ALKBH2: variants seen among roughly 807,000 people sequenced by gnomAD.
The protein encoded by ALKBH2 is alkB homolog 2, alpha-ketoglutarate dependent dioxygenase.
A neutral mutation model predicts 19.7 loss-of-function variants in ALKBH2; 19 were observed. That is an observed-to-expected ratio of 0.97 (90% CI 0.67 to 1.42). The LOEUF (loss-of-function observed/expected upper bound fraction) is 1.42. Among genes scored for constraint, ALKBH2 ranks in the 40% most tolerant of loss-of-function variants. ALKBH2 has a pLI of 0.00. For missense variants in ALKBH2, 310 were observed against 328.5 expected (o/e 0.94, Z 0.43); for synonymous variants, 135 against 131.2 (o/e 1.03, Z -0.20).
chr12:109,092,473 GCACACACA>G (rs61358885), intron 2 of ALKBH2, 26 bp downstream of exon 2: 20 of 1,363,196 alleles, frequency 1.5e-5, no homozygotes, highest in South Asian at 4.6e-5. Context: ...AGCCCTCAAT[GCACACACA>G]CACACACACA....
In ALKBH2 at chr12:109,092,954, AG is replaced by A; in HGVS notation, c.-151-18del. The A allele has an allele frequency of 4.9e-6, 7 of 1,421,828 alleles. No individual in the cohort carries two copies. The highest frequency in any genetic ancestry group is 6.4e-6 in the Non-Finnish European group (7 of 1,093,708). 88.1% of individuals were successfully genotyped at this position (1,421,828 alleles called of 1,614,324 possible). ...AACCATGTCCTAGAAAGGAAACAGA[AG>A]ATGTTAAAGCCGGAAGGGACCCTAG... is the stretch of plus-strand genomic sequence containing the variant. On this transcript the variant is annotated intron_variant, in intron 1 of 3. Coordinates refer to ENST00000429722, the MANE Select transcript of ALKBH2 (RefSeq NM_001145374.2).
intron 2 of ALKBH2, 35 bp downstream of exon 2, chr12:109,092,472 T>TACACAC: frequency 1.2e-6 from 1 of 821,282 alleles, no homozygotes; most frequent in East Asian, 3.6e-5. Flanking sequence ...AAGCCCTCAA[T>TACACAC]GCACACACAC....
rs201306125 is a variant in ALKBH2 at position 109,092,793 on chromosome 12, C to T, written c.-7G>A. 1 of 1,605,428 alleles carries T rather than the reference C, an allele frequency of 6.2e-7. No homozygotes were observed. Among genetic ancestry groups the T allele is most frequent in the East Asian group, 2.2e-5 (1 of 44,828 alleles). On this transcript the variant is annotated 5_prime_UTR_variant, in exon 2 of 4. Transcript: ENST00000429722. ...TCACCAGGAATCTGTCCATCCTGTC[C>T]CCACAGGAAAGAAGGGACGTCAGTG...
At chr12:109,091,304 T>A (rs1325767178) in intron 2 of ALKBH2, among the ~76,000 whole-genome samples, 4 of 152,198 alleles carry the variant, frequency 2.6e-5, no homozygotes, top group Admixed American at 1.3e-4. Flanking sequence ...GAGAATCACT[T>A]GAGCCCAGGC....
intron 2 of ALKBH2, among the ~76,000 whole-genome samples, chr12:109,091,931 C>T (rs2042066542): frequency 6.6e-6 from 1 of 152,146 alleles, no homozygotes. Context: ...ACATGTGCTC[C>T]CCAGACCAGC....
chr12:109,088,660 T>C lies in ALKBH2; in HGVS notation c.480-148A>G. 4.4e-6 allele frequency: 3 copies of C among 685,516 alleles called. No homozygotes were observed. The highest frequency in any genetic ancestry group is 2.7e-5 in the East Asian group (1 of 36,592). The allele number at this position is 685,516 out of a possible 1,614,324, so 42.5% of individuals were successfully genotyped here. On this transcript the variant is annotated intron_variant, in intron 3 of 3. Transcript: ENST00000429722. The surrounding 1 kb of genome is among the most constrained non-coding windows in gnomAD (Gnocchi z 4.2). Reference sequence around the variant, plus strand: ...TTCTGCGAGGGCTTGAGGTCCACAGTGGGCTCTAAGATAAGCCAACGCTGA... The same window carrying C: ...TTCTGCGAGGGCTTGAGGTCCACAGCGGGCTCTAAGATAAGCCAACGCTGA...
In ALKBH2 at chr12:109,090,056, G is replaced by A. The variant is rs760853385; in HGVS notation, c.432C>T (p.His144=). 3.5e-5 allele frequency: 57 copies of A among 1,614,112 alleles called. No homozygotes were observed. The highest frequency in any genetic ancestry group is 8.3e-5 in the Admixed American group (5 of 60,010). ...AGGTCTGTCCAGTCACCCCAGAGAC[G>A]TGATCCCGGATGCGCTCTAGAACTG... ...WIPVLERIRD[H]VSGVTGQTFN... Residue 144 remains histidine (H), a synonymous_variant, in exon 3 of 4, where the codon CAC becomes CAT. Coordinates refer to ENST00000429722, the MANE Select transcript of ALKBH2 (RefSeq NM_001145374.2).
intron 2 of ALKBH2, chr12:109,092,240 G>T: frequency 2.6e-6 from 1 of 389,308 alleles, no homozygotes; most frequent in Non-Finnish European, 4.3e-6. Context: ...AACTTTCCCA[G>T]AAGATACTCA....
At position 109,092,706 on chromosome 12, in the gene ALKBH2, T is replaced by C; in HGVS notation, c.81A>G (p.Pro27=). The part of the protein sequence containing the change: ...QEEQEPTGEE[P]AVLGGDKEST... ...TTTCTTTGTCTCCTCCCAACACAGCTGGCTCTTCTCCAGTTGGCTCTTGCT... is the reference window on the plus strand; with the variant it reads ...TTTCTTTGTCTCCTCCCAACACAGCCGGCTCTTCTCCAGTTGGCTCTTGCT... Residue 27 remains proline (P), a synonymous_variant, in exon 2 of 4, where the codon CCA becomes CCG. Transcript: ENST00000429722. 6.2e-7 allele frequency: 1 copy of C among 1,614,060 alleles called. No homozygotes were observed. Among genetic ancestry groups the C allele is most frequent in the Non-Finnish European group, 8.5e-7 (1 of 1,179,994 alleles).
chr12:109,092,306 A>C (rs753389355), intron 2 of ALKBH2: 1 of 712,590 alleles, frequency 1.4e-6, no homozygotes, highest in South Asian at 4.5e-5. Flanking sequence ...GTAGACAGGC[A>C]ATCCAGTTTC....
intron 1 of ALKBH2, 147 bp from the exon 2 acceptor site, chr12:109,093,084 T>G (rs2042089402): frequency 5.1e-6 from 2 of 388,358 alleles, no homozygotes; most frequent in Non-Finnish European, 8.3e-6. Flanking sequence ...GCACCTGAAT[T>G]TTTAAAGAAC....
Position 109,090,160 on chromosome 12 carries a change from T to G in ALKBH2, c.328A>C (p.Arg110=). ...QVFGKWHSVP[R]KQATYGDAGL... Reference sequence around the variant, plus strand: ...GCGTCGCCATACGTTGCCTGCTTCCTGGGCACACTGTGCCACTTCCCGAAT... The same window carrying G: ...GCGTCGCCATACGTTGCCTGCTTCCGGGGCACACTGTGCCACTTCCCGAAT... The change falls in exon 3 of 4, where the codon AGG becomes CGG. Residue 110 remains arginine (R), a synonymous_variant. Coordinates refer to ENST00000429722, the MANE Select transcript of ALKBH2 (RefSeq NM_001145374.2). The G allele has an allele frequency of 6.2e-7, 1 of 1,614,150 alleles. No individual in the cohort carries two copies. Among genetic ancestry groups the G allele is most frequent in the Non-Finnish European group, 8.5e-7 (1 of 1,180,040 alleles).
chr12:109,089,946 A>C (rs886880546), intron 3 of ALKBH2, 63 bp downstream of exon 3: 1 of 1,584,400 alleles, frequency 6.3e-7, no homozygotes, highest in South Asian at 1.1e-5. Flanking sequence ...GTGGAACCCT[A>C]AACACTTCCT....
chr12:109,088,664 C>T lies in ALKBH2; in HGVS notation c.480-152G>A, dbSNP rs1415632052. 1.3e-4 allele frequency: 88 copies of T among 663,900 alleles called. 1 individual carries two copies. In the South Asian group the frequency reaches 1.6e-3, roughly 12 times the overall value. The allele number at this position is 663,900 out of a possible 1,614,324, so 41.1% of individuals were successfully genotyped here. A position where few individuals can be genotyped will look rare whatever the true frequency, so the allele number is the denominator to read the frequency against. Reference sequence around the variant, plus strand: ...GCGAGGGCTTGAGGTCCACAGTGGGCTCTAAGATAAGCCAACGCTGAAGAG... The same window carrying T: ...GCGAGGGCTTGAGGTCCACAGTGGGTTCTAAGATAAGCCAACGCTGAAGAG... On this transcript the variant is annotated intron_variant, in intron 3 of 3. Coordinates refer to ENST00000429722, the MANE Select transcript of ALKBH2 (RefSeq NM_001145374.2). The surrounding 1 kb of genome is among the most constrained non-coding windows in gnomAD (Gnocchi z 4.2).
intron 3 of ALKBH2, among the ~76,000 whole-genome samples, chr12:109,089,094 AT>A (rs1196694880): frequency 1.3e-5 from 2 of 152,154 alleles, no homozygotes; most frequent in Non-Finnish European, 2.9e-5. Flanking sequence ...GTAAACCTTT[AT>A]CACATGATTT....
Position 109,088,478 on chromosome 12 carries a change from G to C in ALKBH2, c.514C>G (p.Arg172Gly). The C allele has an allele frequency of 6.2e-7, 1 of 1,610,204 alleles. No individual in the cohort carries two copies. The highest frequency in any genetic ancestry group is 8.5e-7 in the Non-Finnish European group (1 of 1,177,044). Residue 172 changes from arginine to glycine, a missense_variant, in exon 4 of 4, where the codon CGA becomes GGA. Coordinates refer to ENST00000429722, the MANE Select transcript of ALKBH2 (RefSeq NM_001145374.2). This position sits in a 1 kb window ranked among gnomAD's most constrained non-coding sequence, Gnocchi z 4.2. ...GGGGCCAGTTCTCTTTCATCATCTC[G>C]GTGCTCCCCGATGTGGTCACAGCCA... is the stretch of plus-strand genomic sequence containing the variant. Reference protein sequence around the residue: ...KDGCDHIGEHRDDERELAPGS... With the variant: ...KDGCDHIGEHGDDERELAPGS...
At chr12:109,089,915 T>C in intron 3 of ALKBH2, 94 bp downstream of exon 3, 2 of 1,367,150 alleles carry the variant, frequency 1.5e-6, no homozygotes, top group South Asian at 2.4e-5. Context: ...AGAAATGATT[T>C]GTACCAATGA....
chr12:109,088,801 GCCT>G lies in ALKBH2; in HGVS notation c.480-292_480-290del, dbSNP rs2042011925. On this transcript the variant is annotated intron_variant, in intron 3 of 3. Transcript: ENST00000429722. The surrounding 1 kb of genome is among the most constrained non-coding windows in gnomAD (Gnocchi z 4.2). ...ACAATCATAGCTCACTGCAGCCTCG[GCCT>G]CCTGGGCTCAAGTGATTCTCCCACT... is the stretch of plus-strand genomic sequence containing the variant. Among the ~76,000 whole-genome samples, 1 of 152,112 alleles carries G rather than the reference GCCT, an allele frequency of 6.6e-6. No individual in the cohort carries two copies. The highest frequency in any genetic ancestry group is 2.4e-5 in the African/African-American group (1 of 41,408).
rs746333067 is a variant in ALKBH2 at position 109,092,684 on chromosome 12, CTT to C, written c.101_102del (p.Lys34ArgfsTer22). 7 of 1,614,188 alleles carry C rather than the reference CTT, an allele frequency of 4.3e-6. No homozygotes were observed. In the South Asian group the frequency reaches 7.7e-5, roughly 18 times the overall value. On this transcript the variant is annotated frameshift_variant, in exon 2 of 4. Transcript: ENST00000429722. LOFTEE classifies it high-confidence loss of function. ...CTCCTGGGCCTCTTCCTTGTGCTTT[CTT>C]TGTCTCCTCCCAACACAGCTGGCTC... is the stretch of plus-strand genomic sequence containing the variant. ...GEEPAVLGGD[K>X]ESTRKRPRRE...
Sources: allele counts gnomAD v4.1 joint callset (sites outside exome capture counted in the v4.1 genomes callset), GRCh38; gene constraint gnomAD v4.1.1; non-coding constraint Gnocchi (gnomAD v3.1); transcripts MANE v1.5; gene names NCBI Gene and HGNC (gene_info 2026-07-23, HGNC 2026-07-21).